Variants in DNER observed in about 807,000 individuals in gnomAD.
DNER encodes delta/notch like EGF repeat containing.
DNER carries 33 observed loss-of-function variants against 78.2 expected under a neutral mutation model. That is an observed-to-expected ratio of 0.42 (90% CI 0.32 to 0.56). DNER has a LOEUF of 0.56. Ranked by LOEUF, DNER falls within the 20% of genes least tolerant of loss-of-function variation. The pLI is 0.11. For missense variants in DNER, 918 were observed against 975.3 expected, an observed-to-expected ratio of 0.94 and a Z score of 0.78; for synonymous variants, 417 against 384.8, an observed-to-expected ratio of 1.08 and a Z score of -0.98.
chr2:229,677,648 G>T (rs923396565), intron 1 of DNER, among the ~76,000 whole-genome samples: 1 of 152,074 alleles, frequency 6.6e-6, no homozygotes, highest in Non-Finnish European at 1.5e-5. Flanking sequence ...AATCTACATT[G>T]GTTGTAATAT....
chr2:229,513,595 A>G (rs1454227690), intron 5 of DNER, among the ~76,000 whole-genome samples: 1 of 152,208 alleles, frequency 6.6e-6, no homozygotes, highest in African/African-American at 2.4e-5. Flanking sequence ...TGCAAAATAC[A>G]AACAAAACTG....
intron 3 of DNER, chr2:229,586,852 C>T (rs1697512767): frequency 6.1e-6 from 6 of 985,530 alleles, no homozygotes; most frequent in Non-Finnish European, 7.2e-6. Context: ...CAGATCCGCT[C>T]CCCCAGCACA....
At chr2:229,586,109 A>C in intron 3 of DNER, 85 bp from the exon 4 acceptor site, 3 of 1,452,160 alleles carry the variant, frequency 2.1e-6, no homozygotes, top group Non-Finnish European at 1.8e-6. Context: ...AATAAATACA[A>C]AGATGGTATG....
At chr2:229,670,191 T>C (rs548284258) in intron 1 of DNER, among the ~76,000 whole-genome samples, 10 of 152,318 alleles carry the variant, frequency 6.6e-5, no homozygotes, top group African/African-American at 2.2e-4. Context: ...TTCCCGAGCA[T>C]GATGTGGGGT....
chr2:229,631,929 C>T (rs73093583), intron 1 of DNER, among the ~76,000 whole-genome samples: 1,752 of 152,268 alleles, frequency 0.012, 34 homozygotes, highest in African/African-American at 0.04. Flanking sequence ...CAAATGTCAG[C>T]GAGAATTATT....
chr2:229,586,622 C>A, intron 3 of DNER: 1 of 983,860 alleles, frequency 1.0e-6, no homozygotes, highest in Non-Finnish European at 1.2e-6. Context: ...CCCCAGCTGC[C>A]CTCCTGCGCT....
intron 7 of DNER, among the ~76,000 whole-genome samples, chr2:229,451,143 G>GAA (rs1460561398): frequency 6.6e-6 from 1 of 152,164 alleles, no homozygotes; most frequent in African/African-American, 2.4e-5. Flanking sequence ...CTGGAAGAAT[G>GAA]AATGAATTAA....
chr2:229,495,824 C>T (rs1574869397), intron 6 of DNER, among the ~76,000 whole-genome samples: 1 of 152,168 alleles, frequency 6.6e-6, no homozygotes, highest in South Asian at 2.1e-4. Flanking sequence ...TTCCACTAAA[C>T]GTATTTCTAG....
At chr2:229,627,261 G>A (rs1302496776) in intron 1 of DNER, among the ~76,000 whole-genome samples, 5 of 152,084 alleles carry the variant, frequency 3.3e-5, no homozygotes, top group South Asian at 4.1e-4. Context: ...TGCAGACTGC[G>A]AATATCTGTA....
chr2:229,679,898 T>C (rs1559206727), intron 1 of DNER, among the ~76,000 whole-genome samples: 1 of 152,160 alleles, frequency 6.6e-6, no homozygotes, highest in African/African-American at 2.4e-5. Context: ...CTTTCTCACA[T>C]GAGAAAGTGG....
intron 8 of DNER, among the ~76,000 whole-genome samples, chr2:229,442,204 A>G (rs1446081949): frequency 6.6e-6 from 1 of 152,190 alleles, no homozygotes; most frequent in Non-Finnish European, 1.5e-5. Context: ...GAAACCCCCT[A>G]CAGCATGTTA....
At chr2:229,585,229 G>A (rs1697475594) in intron 4 of DNER, among the ~76,000 whole-genome samples, 1 of 152,202 alleles carries the variant, frequency 6.6e-6, no homozygotes, top group South Asian at 2.1e-4. Flanking sequence ...AAAAGAAGCA[G>A]ATGAAAGATT....
intron 1 of DNER, among the ~76,000 whole-genome samples, chr2:229,694,866 G>T (rs1360445264): frequency 2.0e-5 from 3 of 152,206 alleles, no homozygotes; most frequent in Non-Finnish European, 4.4e-5. Flanking sequence ...TGTTGGGAAG[G>T]CATGATTGTG....
chr2:229,430,381 T>C lies in DNER; in HGVS notation c.1487-12151A>G, dbSNP rs138803795. ...TATTGATTCTAGCTGTGTCTGTGAG[T>C]CTGTTGCCAAAGGAGATTAACATTT... On this transcript the variant is annotated intron_variant, in intron 8 of 12. Coordinates refer to ENST00000341772, the MANE Select transcript of DNER (RefSeq NM_139072.4). 1.7e-3 allele frequency among the ~76,000 whole-genome samples: 256 copies of C among 152,234 alleles called. 3 individuals are homozygous for C. Among genetic ancestry groups the C allele is most frequent in the East Asian group, 4.1e-3 (21 of 5,172 alleles).
At chr2:229,625,697 G>A (rs1698327103) in intron 1 of DNER, among the ~76,000 whole-genome samples, 1 of 152,168 alleles carries the variant, frequency 6.6e-6, no homozygotes, top group Non-Finnish European at 1.5e-5. Flanking sequence ...GAATGAAGAG[G>A]AGAGCATAGG....
chr2:229,686,552 C>T (rs1352135598), intron 1 of DNER, among the ~76,000 whole-genome samples: 2 of 152,158 alleles, frequency 1.3e-5, no homozygotes, highest in Non-Finnish European at 2.9e-5. Flanking sequence ...CTGACTCCAG[C>T]CCTCCCTCAG....
chr2:229,477,132 C>G lies in DNER; in HGVS notation c.1261+8G>C, dbSNP rs775988472. 5.6e-6 allele frequency: 9 copies of G among 1,603,892 alleles called. No homozygotes were observed. The highest frequency in any genetic ancestry group is 7.7e-6 in the Non-Finnish European group (9 of 1,172,294). ...AAAGTTCTTTCTGGAGTAATAAATA[C>G]TAATTACCTTCTGGACACTGGCAGG... is the stretch of plus-strand genomic sequence containing the variant. On this transcript the variant is annotated splice_region_variant and intron_variant, in intron 7 of 12. Transcript: ENST00000341772.
intron 4 of DNER, among the ~76,000 whole-genome samples, chr2:229,571,655 C>T (rs1435676727): frequency 6.6e-6 from 1 of 152,154 alleles, no homozygotes; most frequent in Admixed American, 6.5e-5. Context: ...ATGCCAAAAA[C>T]ACATCCAAAT....
chr2:229,492,189 A>C (rs550439919), intron 6 of DNER, among the ~76,000 whole-genome samples: 1 of 152,342 alleles, frequency 6.6e-6, no homozygotes, highest in East Asian at 1.9e-4. Flanking sequence ...TATTGAATGA[A>C]TAAGCCTTAC....
Sources: gnomAD v4.1 joint callset for allele counts (sites outside exome capture counted in the v4.1 genomes callset) on GRCh38, gnomAD v4.1.1 for gene constraint, MANE v1.5 for transcripts, NCBI Gene and HGNC (gene_info 2026-07-23, HGNC 2026-07-21) for gene names.